Variants in LHFPL3 observed in about 807,000 individuals in gnomAD.
LHFPL3 encodes the protein LHFPL tetraspan subfamily member 3 protein.
Under a neutral mutation model 19.3 loss-of-function variants are expected in LHFPL3, and 5 were observed. The observed-to-expected ratio is 0.26, with a 90% CI of 0.14 to 0.54. The LOEUF (loss-of-function observed/expected upper bound fraction) is 0.54. Among genes scored for constraint, LHFPL3 ranks in the 20% least tolerant of loss-of-function variants. The pLI, the probability that LHFPL3 is intolerant of heterozygous loss-of-function variation, is 0.94. For missense variants in LHFPL3, 249 were observed against 307.4 expected, an observed-to-expected ratio of 0.81 and a Z score of 1.42; for synonymous variants, 133 against 126.2, an observed-to-expected ratio of 1.05 and a Z score of -0.36.
At chr7:104,848,903 T>TTTCTG (rs1791363667) in intron 2 of LHFPL3, among the ~76,000 whole-genome samples, 1 of 150,250 alleles carries the variant, frequency 6.7e-6, no homozygotes, top group African/African-American at 2.5e-5. Context: ...TTTTTTGGTT[T>TTTCTG]TTTTTTTGTT....
intron 1 of LHFPL3, among the ~76,000 whole-genome samples, chr7:104,482,115 T>G (rs899155834): frequency 6.6e-6 from 1 of 152,172 alleles, no homozygotes; most frequent in African/African-American, 2.4e-5. Context: ...AAAGCCCCAC[T>G]CCTTTTCCTC....
intron 1 of LHFPL3, among the ~76,000 whole-genome samples, chr7:104,598,822 C>G (rs59172982): frequency 6.6e-6 from 1 of 152,148 alleles, no homozygotes; most frequent in Admixed American, 6.5e-5. Context: ...GTTTTCGAAT[C>G]TTAAAACCAT....
intron 1 of LHFPL3, among the ~76,000 whole-genome samples, chr7:104,466,567 T>C (rs1275615681): frequency 6.6e-6 from 1 of 152,226 alleles, no homozygotes; most frequent in African/African-American, 2.4e-5. Flanking sequence ...TCTGCAGCTT[T>C]TAGTTCATTC....
chr7:104,612,443 A>AAACAAAAC (rs1429360332), intron 1 of LHFPL3, among the ~76,000 whole-genome samples: 12 of 152,144 alleles, frequency 7.9e-5, no homozygotes, highest in Non-Finnish European at 1.3e-4. Flanking sequence ...AAACAAAACA[A>AAACAAAAC]AACAAAACAG....
chr7:104,572,707 A>G (rs185431198), intron 1 of LHFPL3, among the ~76,000 whole-genome samples: 1 of 152,158 alleles, frequency 6.6e-6, no homozygotes, highest in Non-Finnish European at 1.5e-5. Context: ...TTGATCTTCT[A>G]TAGGGACTAA....
At chr7:104,433,480 A>T (rs1157209261) in intron 1 of LHFPL3, among the ~76,000 whole-genome samples, 2 of 152,182 alleles carry the variant, frequency 1.3e-5, no homozygotes, top group Admixed American at 1.3e-4. Flanking sequence ...GTGGTCTCTC[A>T]GGATGAAGTC....
At chr7:104,473,225 T>G (rs1265548555) in intron 1 of LHFPL3, among the ~76,000 whole-genome samples, 1 of 152,202 alleles carries the variant, frequency 6.6e-6, no homozygotes, top group African/African-American at 2.4e-5. Context: ...AACATAAATT[T>G]TACAACCTGT....
At chr7:104,513,878 C>CA (rs1793868680) in intron 1 of LHFPL3, among the ~76,000 whole-genome samples, 1 of 152,176 alleles carries the variant, frequency 6.6e-6, no homozygotes, top group African/African-American at 2.4e-5. Context: ...CAGAGGTGCA[C>CA]AGCCTGTTTG....
intron 2 of LHFPL3, among the ~76,000 whole-genome samples, chr7:104,825,126 G>T (rs1359191418): frequency 2.7e-5 from 4 of 150,914 alleles, no homozygotes; most frequent in Non-Finnish European, 5.9e-5. Flanking sequence ...TCTAACAGCT[G>T]CAGTGTTAAA....
rs1390065976 is a variant in LHFPL3, at chr7:104,565,717, GTCTGTCTATCTATCTA to G, written c.446-170954_446-170939del. Among the ~76,000 whole-genome samples, 1,172 of 121,722 alleles carry G rather than the reference GTCTGTCTATCTATCTA, an allele frequency of 9.6e-3. 14 individuals carry two copies. The highest frequency in any genetic ancestry group is 0.036 in the African/African-American group (1,111 of 30,522). 79.9% of individuals were successfully genotyped at this position (121,722 alleles called of 152,430 possible). On this transcript the variant is annotated intron_variant, in intron 1 of 2. Transcript: ENST00000424859. ...CAAGTTTCCCTGCACCTTCCTGTCTGTCTGTCTATCTATCTATCTATCTATCTATCTATCTATCTAT... is the reference window on the plus strand; with the variant it reads ...CAAGTTTCCCTGCACCTTCCTGTCTGTCTATCTATCTATCTATCTATCTAT...
chr7:104,519,943 T>C (rs560271598), intron 1 of LHFPL3, among the ~76,000 whole-genome samples: 1 of 152,248 alleles, frequency 6.6e-6, no homozygotes, highest in East Asian at 1.9e-4. Flanking sequence ...TTCTGCATTG[T>C]CAAAGTCTTG....
intron 2 of LHFPL3, among the ~76,000 whole-genome samples, chr7:104,748,625 G>C (rs1175709540): frequency 6.6e-6 from 1 of 150,778 alleles, no homozygotes; most frequent in Non-Finnish European, 1.5e-5. Flanking sequence ...AAAGACCTTT[G>C]TTCACGTGTT....
chr7:104,329,263 G>A, intron 1 of LHFPL3, 39 bp downstream of exon 1: 2 of 1,553,932 alleles, frequency 1.3e-6, no homozygotes, highest in Non-Finnish European at 1.7e-6. Flanking sequence ...GGAGGACCCC[G>A]GGGCGCCCGA....
intron 1 of LHFPL3, among the ~76,000 whole-genome samples, chr7:104,661,848 CT>C (rs1264145825): frequency 6.6e-6 from 1 of 152,122 alleles, no homozygotes; most frequent in Non-Finnish European, 1.5e-5. Context: ...CACTTTATGG[CT>C]TTTTTGGCAT....
At chr7:104,648,920 A>G (rs949762398) in intron 1 of LHFPL3, among the ~76,000 whole-genome samples, 2 of 152,206 alleles carry the variant, frequency 1.3e-5, no homozygotes, top group African/African-American at 2.4e-5. Context: ...TGCATTTGCC[A>G]TGTTCTGTCC....
chr7:104,769,089 C>G (rs1043065113), intron 2 of LHFPL3: 1 of 152,198 alleles, frequency 6.6e-6, no homozygotes, highest in Non-Finnish European at 1.5e-5. Context: ...TAAATACTTA[C>G]TTTTTCCATC....
chr7:104,669,271 A>G (rs1792425397), intron 1 of LHFPL3: 2 of 1,614,038 alleles, frequency 1.2e-6, no homozygotes, highest in Non-Finnish European at 1.7e-6. Flanking sequence ...TGGTGGGGGA[A>G]AAGTAGCTCC....
At chr7:104,417,884 C>CT (rs762794916) in intron 1 of LHFPL3, among the ~76,000 whole-genome samples, 1,525 of 117,728 alleles carry the variant, frequency 0.013, 28 homozygotes, top group East Asian at 0.026. Context: ...TCTTCTTCTT[C>CT]TTTTTTTTTT....
At chr7:104,880,223 C>A (rs1029233630) in intron 2 of LHFPL3, among the ~76,000 whole-genome samples, 1 of 152,028 alleles carries the variant, frequency 6.6e-6, no homozygotes, top group Non-Finnish European at 1.5e-5. Flanking sequence ...TGAGTGAGTT[C>A]TTGCTCTAAG....
Sources: allele counts gnomAD v4.1 joint callset (sites outside exome capture counted in the v4.1 genomes callset), GRCh38; gene constraint gnomAD v4.1.1; transcripts MANE v1.5; gene names NCBI Gene and HGNC (gene_info 2026-07-23, HGNC 2026-07-21).